The following SORBS2 variants were observed in gnomAD, a reference collection of about 807,000 sequenced individuals.
The protein encoded by SORBS2 is sorbin and SH3 domain containing 2, also known as sorbin and SH3 domain-containing protein 2.
SORBS2 carries 46 observed loss-of-function variants against 97.7 expected under a neutral mutation model. The observed-to-expected ratio is 0.47, with a 90% confidence interval of 0.37 to 0.60. SORBS2 has a LOEUF of 0.60. Among genes scored for constraint, SORBS2 ranks in the 20% least tolerant of loss-of-function variants. The pLI, the probability that SORBS2 is intolerant of heterozygous loss-of-function variation, is 0.00. For missense variants in SORBS2, 1,316 were observed against 1,282.3 expected (o/e 1.03, Z -0.40); for synonymous variants, 476 against 473.4 (o/e 1.01, Z -0.07).
intron 2 of SORBS2, among the ~76,000 whole-genome samples, chr4:185,712,801 G>C (rs1007742546): frequency 6.6e-6 from 1 of 152,176 alleles, no homozygotes; most frequent in African/African-American, 2.4e-5. Context: ...AGAGGGGCAG[G>C]CTGAGTAAAT....
intron 2 of SORBS2, among the ~76,000 whole-genome samples, chr4:185,755,370 C>T (rs2098824407): frequency 6.6e-6 from 1 of 152,228 alleles, no homozygotes. Flanking sequence ...TGGAATGTGA[C>T]CATAGACTCC....
intron 12 of SORBS2, among the ~76,000 whole-genome samples, chr4:185,599,636 T>C (rs899579247): frequency 2.0e-5 from 3 of 152,072 alleles, no homozygotes; most frequent in Non-Finnish European, 2.9e-5. Context: ...TTGGCAACAG[T>C]TTTTTCTTTG....
Position 185,806,559 on chromosome 4 carries a change from G to A in SORBS2, c.-337-31193C>T, listed in dbSNP as rs372573823. Reference sequence around the variant, plus strand: ...TGCAAGCTCCTCCTCCCGGGTTCACGCCATTCTCCTGCCTCAGCCTCCCGA... The same window carrying A: ...TGCAAGCTCCTCCTCCCGGGTTCACACCATTCTCCTGCCTCAGCCTCCCGA... On this transcript the variant is annotated intron_variant, in intron 1 of 20. Coordinates refer to the SORBS2 transcript ENST00000284776. Among the ~76,000 whole-genome samples the A allele has an allele frequency of 1.4e-4, 20 of 144,180 alleles. 1 individual carries two copies. In the East Asian group the frequency reaches 4.2e-3, roughly 30 times the overall value. The allele number at this position is 144,180 out of a possible 152,430, so 94.6% of individuals were successfully genotyped here.
At chr4:185,823,859 C>T (rs1177644434) in intron 1 of SORBS2, among the ~76,000 whole-genome samples, 6 of 152,108 alleles carry the variant, frequency 3.9e-5, no homozygotes, top group South Asian at 2.1e-4. Flanking sequence ...GGTTTGTCTG[C>T]GGTTCGATAA....
intron 1 of SORBS2, among the ~76,000 whole-genome samples, chr4:185,806,511 G>A (rs937154603): frequency 1.5e-5 from 2 of 129,238 alleles, no homozygotes; most frequent in African/African-American, 2.9e-5. Context: ...AGGCTGGAGT[G>A]CAGTGGCGGG....
At chr4:185,706,971 C>T (rs930878452) in intron 2 of SORBS2, among the ~76,000 whole-genome samples, 5 of 152,034 alleles carry the variant, frequency 3.3e-5, no homozygotes, top group African/African-American at 7.2e-5. Context: ...GTCATAAACA[C>T]GTATGTACAT....
chr4:185,756,719 C>CTTTT (rs56955640), intron 2 of SORBS2, among the ~76,000 whole-genome samples: 13 of 131,578 alleles, frequency 9.9e-5, no homozygotes, highest in East Asian at 4.6e-4. Flanking sequence ...ACTGTTAAAG[C>CTTTT]TTTTTTTTTT....
chr4:185,665,818 C>T, intron 4 of SORBS2: 1 of 1,131,268 alleles, frequency 8.8e-7, no homozygotes, highest in Non-Finnish European at 1.1e-6. Context: ...CTCAGAACGG[C>T]CAGTGGTGTC....
intron 2 of SORBS2, among the ~76,000 whole-genome samples, chr4:185,754,497 A>G (rs1415281614): frequency 6.6e-6 from 1 of 152,222 alleles, no homozygotes; most frequent in East Asian, 1.9e-4. Flanking sequence ...TAATAAAAAC[A>G]GAAAGTTTAC....
intron 4 of SORBS2, among the ~76,000 whole-genome samples, chr4:185,665,022 A>G (rs985507199): frequency 6.6e-6 from 1 of 152,236 alleles, no homozygotes; most frequent in African/African-American, 2.4e-5. Flanking sequence ...CTTATCACAT[A>G]GATATATTTA....
intron 1 of SORBS2, among the ~76,000 whole-genome samples, chr4:185,862,366 G>T (rs2099224317): frequency 6.6e-6 from 1 of 152,252 alleles, no homozygotes; most frequent in African/African-American, 2.4e-5. Flanking sequence ...GCTACTGACA[G>T]GTTGTAGAGG....
intron 1 of SORBS2, among the ~76,000 whole-genome samples, chr4:185,821,824 C>A (rs57359333): frequency 0.21 from 31,781 of 152,122 alleles, 3,815 homozygotes; most frequent in African/African-American, 0.32. Context: ...TTAATGGAGT[C>A]ATTCACATGG....
intron 2 of SORBS2, among the ~76,000 whole-genome samples, chr4:185,715,444 A>C (rs2098457977): frequency 6.6e-6 from 1 of 152,074 alleles, no homozygotes; most frequent in Admixed American, 6.5e-5. Flanking sequence ...AAATAAAATA[A>C]ATATTTAGTT....
At chr4:185,598,026 C>T (rs1398710446) in intron 12 of SORBS2, among the ~76,000 whole-genome samples, 1 of 152,162 alleles carries the variant, frequency 6.6e-6, no homozygotes, top group East Asian at 1.9e-4. Context: ...TTTTGACTAT[C>T]TGTGCAGGCA....
chr4:185,821,476 T>G (rs1314964008), intron 1 of SORBS2, among the ~76,000 whole-genome samples: 1 of 152,212 alleles, frequency 6.6e-6, no homozygotes, highest in Admixed American at 6.5e-5. Flanking sequence ...TAGGCTGCAG[T>G]GCAGTGGCTC....
At chr4:185,826,822 G>C (rs1440961515) in intron 1 of SORBS2, among the ~76,000 whole-genome samples, 2 of 152,196 alleles carry the variant, frequency 1.3e-5, no homozygotes, top group African/African-American at 4.8e-5. Context: ...ATGTGACCAT[G>C]AGCAAATTCC....
intron 1 of SORBS2, among the ~76,000 whole-genome samples, chr4:185,870,002 CTT>C (rs2099229507): frequency 6.6e-6 from 1 of 152,148 alleles, no homozygotes; most frequent in Non-Finnish European, 1.5e-5. Context: ...GTTGAAAAAT[CTT>C]TCTTAATTGT....
chr4:185,662,081 A>C, intron 5 of SORBS2, 23 bp downstream of exon 8: 1 of 1,613,410 alleles, frequency 6.2e-7, no homozygotes, highest in South Asian at 1.1e-5. Context: ...TGCCATGGAA[A>C]TCACGGTGAG....
chr4:185,857,986 C>T (rs1282625994), intron 1 of SORBS2, among the ~76,000 whole-genome samples: 1 of 152,112 alleles, frequency 6.6e-6, no homozygotes. Flanking sequence ...CTTTTATTGC[C>T]CTTTGAAGTA....
Sources: gnomAD v4.1 joint callset for allele counts (sites outside exome capture counted in the v4.1 genomes callset) on GRCh38, gnomAD v4.1.1 for gene constraint, MANE v1.5 for transcripts, NCBI Gene and HGNC (gene_info 2026-07-23, HGNC 2026-07-21) for gene names.